Variants in CCT7 observed in about 807,000 individuals in gnomAD.
The protein encoded by CCT7 is T-complex protein 1 subunit eta.
A neutral mutation model predicts 56.6 loss-of-function variants in CCT7; 16 were observed. The ratio of observed to expected loss-of-function variants is 0.28; its 90% CI spans 0.19 to 0.43. The LOEUF is 0.43. Among genes scored for constraint, CCT7 ranks in the 20% least tolerant of loss-of-function variants. The pLI is 1.00. For missense variants in CCT7, 519 were observed against 685.6 expected (o/e 0.76, Z 2.71); for synonymous variants, 262 against 254.8 (o/e 1.03, Z -0.27).
chr2:73,250,378 T>C lies in CCT7; in HGVS notation c.1143T>C (p.Phe381=). The C allele has an allele frequency of 1.9e-6, 3 of 1,614,130 alleles. No individual in the cohort carries two copies. The highest frequency in any genetic ancestry group is 1.1e-5 in the South Asian group (1 of 91,072). Reference sequence around the variant, plus strand: ...TTCTCCGTGGCGGCGCCGAGCAGTTTATGGAGGAGACAGAGCGGTCCCTGC... The same window carrying C: ...TTCTCCGTGGCGGCGCCGAGCAGTTCATGGAGGAGACAGAGCGGTCCCTGC... ...TFILRGGAEQ[F]MEETERSLHD... Residue 381 remains phenylalanine, a synonymous_variant, in exon 10 of 12, where the codon TTT becomes TTC. Coordinates refer to ENST00000258091, the MANE Select transcript of CCT7 (RefSeq NM_006429.4).
Position 73,242,893 on chromosome 2 carries a change from CATCCATTTAA to C in CCT7, c.268-108_268-99del, listed in dbSNP as rs1687175003. On this transcript the variant is annotated intron_variant, in intron 3 of 11. Transcript: ENST00000258091. Reference sequence around the variant, plus strand: ...CCTGTGCTTCCAGAAAAAAGCTTGACATCCATTTAAATAATATTCAGTTTAAATGGGTAGC... The same window carrying C: ...CCTGTGCTTCCAGAAAAAAGCTTGACATAATATTCAGTTTAAATGGGTAGC... 4 of 1,308,402 alleles carry C rather than the reference CATCCATTTAA, an allele frequency of 3.1e-6. No homozygotes were observed. In the African/African-American group the frequency reaches 5.9e-5, roughly 19 times the overall value. The allele number at this position is 1,308,402 out of a possible 1,614,324, so 81.0% of individuals were successfully genotyped here.
chr2:73,234,464 G>GA, intron 1 of CCT7, 80 bp downstream of exon 1: 1 of 1,519,522 alleles, frequency 6.6e-7, no homozygotes, highest in Non-Finnish European at 9.1e-7. Context: ...GGCTTGCTCT[G>GA]TAGGACCCTC....
chr2:73,251,200 A>G (rs757048066), intron 10 of CCT7, 26 bp from the exon 11 acceptor site: 2 of 1,609,474 alleles, frequency 1.2e-6, no homozygotes, highest in Non-Finnish European at 1.7e-6. Context: ...GCCCTCTTAC[A>G]TTGAGAGGTG....
intron 8 of CCT7, among the ~76,000 whole-genome samples, 172 bp from the exon 9 acceptor site, chr2:73,249,647 T>G (rs969461128): frequency 1.5e-5 from 2 of 131,336 alleles, no homozygotes; most frequent in African/African-American, 7.7e-5. Context: ...TCTATTTTGT[T>G]TTTTTTTTGC....
intron 8 of CCT7, 150 bp from the exon 9 acceptor site, chr2:73,249,669 G>C (rs916882529): frequency 5.1e-5 from 34 of 660,312 alleles, no homozygotes; most frequent in Non-Finnish European, 9.1e-5. Context: ...CTTTCAGAGA[G>C]GGGGAAGGGT....
At chr2:73,248,377 G>A (rs1687435203) in intron 7 of CCT7, among the ~76,000 whole-genome samples, 1 of 151,252 alleles carries the variant, frequency 6.6e-6, no homozygotes, top group African/African-American at 2.4e-5. Flanking sequence ...TTAAGACGGA[G>A]TCTCGCTCTG....
At chr2:73,239,885 C>G (rs372918980) in intron 2 of CCT7, 89 bp downstream of exon 2, 15 of 1,130,404 alleles carry the variant, frequency 1.3e-5, no homozygotes, top group African/African-American at 4.7e-5. Flanking sequence ...TATCAGAAAT[C>G]CCACTGCTTT....
At chr2:73,240,936 A>C (rs983751742) in intron 3 of CCT7, among the ~76,000 whole-genome samples, 1 of 136,752 alleles carries the variant, frequency 7.3e-6, no homozygotes, top group Non-Finnish European at 1.6e-5. Flanking sequence ...GGGTCTTACT[A>C]TGTTTCCCAG....
intron 5 of CCT7, 68 bp from the exon 6 acceptor site, chr2:73,244,476 T>A (rs1361042436): frequency 7.2e-7 from 1 of 1,380,548 alleles, no homozygotes; most frequent in African/African-American, 1.4e-5. Flanking sequence ...ACCTCCACAC[T>A]GTAGTAGAAT....
chr2:73,237,675 C>T (rs1266343116), intron 1 of CCT7: 3 of 152,028 alleles, frequency 2.0e-5, no homozygotes, highest in Admixed American at 1.3e-4. Flanking sequence ...TCAGTTGACG[C>T]CTGATCCCAA....
At chr2:73,237,697 TA>T (rs1290543224) in intron 1 of CCT7, 1 of 152,184 alleles carries the variant, frequency 6.6e-6, no homozygotes, top group African/African-American at 2.4e-5. Context: ...TGTAGGGGTT[TA>T]CATGACAAGC....
intron 6 of CCT7, among the ~76,000 whole-genome samples, chr2:73,246,555 A>G (rs1421769713): frequency 2.0e-5 from 3 of 152,138 alleles, no homozygotes; most frequent in African/African-American, 7.2e-5. Context: ...TTCCTACTTT[A>G]TTCTTCTGCG....
intron 6 of CCT7, among the ~76,000 whole-genome samples, chr2:73,245,821 T>C (rs1358345270): frequency 1.3e-5 from 2 of 152,208 alleles, no homozygotes; most frequent in Non-Finnish European, 2.9e-5. Context: ...ATTCTCTGTA[T>C]GTAATAAAGC....
chr2:73,252,604 T>A, intron 11 of CCT7, 36 bp from the exon 12 acceptor site: 1 of 1,521,400 alleles, frequency 6.6e-7, no homozygotes, highest in Non-Finnish European at 9.1e-7. Context: ...TTGAAAGTAG[T>A]TCCATATTAC....
At chr2:73,247,667 TCACAGGAATGGATAAG>T in intron 6 of CCT7, 79 bp from the exon 7 acceptor site, 2 of 1,010,892 alleles carry the variant, frequency 2.0e-6, no homozygotes, top group Non-Finnish European at 3.0e-6. Context: ...TAGCTCAGGC[TCACAGGAATGGATAAG>T]CACTAGCCAG....
Position 73,247,744 on chromosome 2 carries a change from T to A in CCT7, c.619-18T>A. On this transcript the variant is annotated intron_variant, in intron 6 of 11. Transcript: ENST00000258091. ...ATGTTAGTACCAAACCATTAAAGTG[T>A]TTGTTTTTTTAAAACAGGATTCTCA... The A allele has an allele frequency of 1.2e-6, 2 of 1,611,486 alleles. No individual in the cohort carries two copies. The highest frequency in any genetic ancestry group is 1.3e-5 in the African/African-American group (1 of 74,970).
At chr2:73,234,853 T>TC (rs1686799619) in intron 1 of CCT7, among the ~76,000 whole-genome samples, 1 of 152,244 alleles carries the variant, frequency 6.6e-6, no homozygotes, top group Admixed American at 6.5e-5. Flanking sequence ...GCCTAGGGAC[T>TC]CACTATGTTC....
intron 4 of CCT7, among the ~76,000 whole-genome samples, chr2:73,243,650 TGTC>T (rs1687209533): frequency 6.6e-6 from 1 of 152,218 alleles, no homozygotes; most frequent in Non-Finnish European, 1.5e-5. Context: ...TGCTAGAAGT[TGTC>T]GTAGGTGTTT....
intron 1 of CCT7, 146 bp downstream of exon 1, chr2:73,234,530 C>T: frequency 1.0e-6 from 1 of 985,246 alleles, no homozygotes; most frequent in Non-Finnish European, 1.5e-6. Context: ...CGACCCCAGC[C>T]AGCCGCGGCC....
Sources: allele counts gnomAD v4.1 joint callset (sites outside exome capture counted in the v4.1 genomes callset), GRCh38; gene constraint gnomAD v4.1.1; transcripts MANE v1.5; gene names NCBI Gene and HGNC (gene_info 2026-07-23, HGNC 2026-07-21).